FGFR1: variants seen among roughly 807,000 people sequenced by gnomAD.
The protein encoded by FGFR1 is fibroblast growth factor receptor 1, also known as FGFR1/PLAG1 fusion.
In FGFR1, 18 loss-of-function variants were observed where a neutral mutation model predicts 93.7. That is an observed-to-expected ratio of 0.19 (90% CI 0.13 to 0.28). The LOEUF is 0.28. Ranked by LOEUF, FGFR1 falls within the 10% of genes least tolerant of loss-of-function variation. The pLI is 1.00. For missense variants in FGFR1, 731 were observed against 1,080.4 expected (o/e 0.68, Z 4.53); for synonymous variants, 448 against 429.3 (o/e 1.04, Z -0.54).
At chr8:38,462,514 T>A (rs988595172) in intron 1 of FGFR1, among the ~76,000 whole-genome samples, 12 of 144,900 alleles carry the variant, frequency 8.3e-5, no homozygotes, top group Non-Finnish European at 1.0e-4. Flanking sequence ...AAAAAAAAAA[T>A]TTTTTTTACC....
intron 7 of FGFR1, chr8:38,422,219 C>T (rs947487949): frequency 2.0e-6 from 1 of 497,916 alleles, no homozygotes; most frequent in East Asian, 3.5e-5. Flanking sequence ...TCCGAGCATG[C>T]GGGCGGTGAG....
chr8:38,447,291 A>G (rs1829671293), intron 2 of FGFR1, among the ~76,000 whole-genome samples: 2 of 152,112 alleles, frequency 1.3e-5, no homozygotes, highest in Non-Finnish European at 2.9e-5. Context: ...ATACAATGGG[A>G]AAAAAATACT....
At chr8:38,448,798 T>TA (rs1279608173) in intron 2 of FGFR1, among the ~76,000 whole-genome samples, 2 of 151,574 alleles carry the variant, frequency 1.3e-5, no homozygotes, top group East Asian at 3.9e-4. Context: ...CTACAAAAAA[T>TA]ACAAAAATTA....
chr8:38,442,570 G>T (rs1283634051), intron 2 of FGFR1, among the ~76,000 whole-genome samples: 1 of 152,138 alleles, frequency 6.6e-6, no homozygotes, highest in East Asian at 1.9e-4. Flanking sequence ...CGGCAAAGAG[G>T]TAACCCTGCA....
chr8:38,413,882 C>G lies in FGFR1; in HGVS notation c.2292+36G>C, dbSNP rs17176067. ...GGGAGGTGCGTGCACGCAGTGGGGA[C>G]GGCCTGAGCTCTGGCTCTGGCACGG... On this transcript the variant is annotated intron_variant, in intron 17 of 17. Transcript: ENST00000447712. This position sits in a 1 kb window ranked among gnomAD's most constrained non-coding sequence, Gnocchi z 4.2. The G allele has an allele frequency of 6.2e-7, 1 of 1,612,800 alleles. No individual in the cohort carries two copies. Among genetic ancestry groups the G allele is most frequent in the Non-Finnish European group, 8.5e-7 (1 of 1,179,082 alleles).
At chr8:38,451,432 AG>A (rs1337003360) in intron 2 of FGFR1, among the ~76,000 whole-genome samples, 1 of 152,086 alleles carries the variant, frequency 6.6e-6, no homozygotes, top group Non-Finnish European at 1.5e-5. Flanking sequence ...TTTGGGCCAA[AG>A]GCAGCTGGAG....
intron 7 of FGFR1, chr8:38,422,947 C>G (rs1337070066): frequency 4.0e-6 from 3 of 745,400 alleles, no homozygotes; most frequent in Non-Finnish European, 7.5e-6. Flanking sequence ...CAGTCCAGTA[C>G]TGGCTTCCCC....
chr8:38,462,061 A>G (rs1834517854), intron 1 of FGFR1, among the ~76,000 whole-genome samples: 1 of 152,216 alleles, frequency 6.6e-6, no homozygotes, highest in Admixed American at 6.5e-5. Flanking sequence ...GATATGCTAT[A>G]AGTAAAAAGT....
intron 7 of FGFR1, among the ~76,000 whole-genome samples, chr8:38,422,468 A>G (rs1297374879): frequency 6.6e-6 from 1 of 152,148 alleles, no homozygotes; most frequent in Non-Finnish European, 1.5e-5. Context: ...GTGCAGTGGC[A>G]TAAACATAGC....
At chr8:38,421,667 T>C (rs1186527534) in intron 8 of FGFR1, 130 bp downstream of exon 8, 1 of 962,374 alleles carries the variant, frequency 1.0e-6, no homozygotes, top group African/African-American at 1.6e-5. Flanking sequence ...GGGCAGGATG[T>C]GGCACCAGGC....
intron 1 of FGFR1, among the ~76,000 whole-genome samples, chr8:38,460,781 A>C (rs1834215376): frequency 1.3e-5 from 2 of 152,206 alleles, no homozygotes; most frequent in Admixed American, 1.3e-4. Flanking sequence ...GACACAGGCC[A>C]CTAGTCCAAC....
chr8:38,447,095 GCAAACACA>G (rs1829537720), intron 2 of FGFR1, among the ~76,000 whole-genome samples: 1 of 110,870 alleles, frequency 9.0e-6, no homozygotes, highest in Non-Finnish European at 1.8e-5. Flanking sequence ...ATTACTGCAA[GCAAACACA>G]CACACACACA....
At chr8:38,416,720 G>A (rs1816800998) in intron 12 of FGFR1, among the ~76,000 whole-genome samples, 1 of 152,008 alleles carries the variant, frequency 6.6e-6, no homozygotes, top group Admixed American at 6.5e-5. Flanking sequence ...CTCCCAAGGT[G>A]CTGGGATTAC....
chr8:38,420,901 C>T (rs778957268), intron 8 of FGFR1, among the ~76,000 whole-genome samples: 10 of 152,112 alleles, frequency 6.6e-5, no homozygotes, highest in African/African-American at 1.7e-4. Context: ...TGTTGAGGAA[C>T]GAAGACAACT....
chr8:38,457,245 G>T (rs2151335377), intron 2 of FGFR1, 111 bp downstream of exon 2: 1 of 1,233,954 alleles, frequency 8.1e-7, no homozygotes, highest in Non-Finnish European at 1.2e-6. Context: ...TGCTCCACTT[G>T]GGAAGGAGCC....
intron 2 of FGFR1, among the ~76,000 whole-genome samples, chr8:38,450,397 T>A (rs965692978): frequency 1.3e-5 from 2 of 152,128 alleles, no homozygotes; most frequent in Non-Finnish European, 2.9e-5. Context: ...GAGCCCCCAG[T>A]GGCCCCGGAG....
At chr8:38,459,666 CTCAAAGAGGT>C (rs1411981762) in intron 1 of FGFR1, among the ~76,000 whole-genome samples, 1 of 152,054 alleles carries the variant, frequency 6.6e-6, no homozygotes, top group Non-Finnish European at 1.5e-5. Flanking sequence ...GAAACTGAGG[CTCAAAGAGGT>C]TAAGTACTTT....
Position 38,429,871 on chromosome 8 carries a change from G to T in FGFR1, c.169C>A (p.Leu57Met), listed in dbSNP as rs1301127877. 36 of 1,613,924 alleles carry T rather than the reference G, an allele frequency of 2.2e-5. No homozygotes were observed. The highest frequency in any genetic ancestry group is 2.7e-5 in the Non-Finnish European group (32 of 1,180,020). The change falls in exon 3 of 18, where the codon CTG becomes ATG. Residue 57 changes from leucine (L) to methionine (M), a missense_variant. Coordinates refer to ENST00000447712, the MANE Select transcript of FGFR1 (RefSeq NM_023110.3). This position sits in a 1 kb window ranked among gnomAD's most constrained non-coding sequence, Gnocchi z 4.4. ...TTGATGCTCTGCACATCGTCCCGCA[G>T]CCGACAGCGAAGCTGCAGCAGGTCA... is the stretch of plus-strand genomic sequence containing the variant. ...PGDLLQLRCR[L>M]RDDVQSINWL... is the part of the protein sequence containing the mutation.
At chr8:38,435,845 A>G (rs1292100085) in intron 2 of FGFR1, among the ~76,000 whole-genome samples, 1 of 152,206 alleles carries the variant, frequency 6.6e-6, no homozygotes, top group Non-Finnish European at 1.5e-5. Context: ...CCAACATTCC[A>G]ACTCCTGGAG....
Sources: gnomAD v4.1 joint callset for allele counts (sites outside exome capture counted in the v4.1 genomes callset) on GRCh38, gnomAD v4.1.1 for gene constraint, Gnocchi (gnomAD v3.1) non-coding constraint, MANE v1.5 for transcripts, NCBI Gene and HGNC (gene_info 2026-07-23, HGNC 2026-07-21) for gene names.